MARCHF1: variants seen among roughly 807,000 people sequenced by gnomAD.
The protein encoded by MARCHF1 is E3 ubiquitin-protein ligase MARCHF1.
In MARCHF1, 40 loss-of-function variants were observed where a neutral mutation model predicts 54.2. The ratio of observed to expected loss-of-function variants is 0.74; its 90% CI spans 0.57 to 0.96. The LOEUF is 0.96. Ranked by LOEUF, MARCHF1 falls within the 40% of genes least tolerant of loss-of-function variation. MARCHF1 has a pLI of 0.00. For synonymous variants in MARCHF1, 236 were observed against 236.3 expected (o/e 1.00, Z 0.01); for missense variants, 586 against 656.5 (o/e 0.89, Z 1.17).
At chr4:163,889,298 C>G (rs2111264273) in intron 3 of MARCHF1, among the ~76,000 whole-genome samples, 1 of 152,202 alleles carries the variant, frequency 6.6e-6, no homozygotes, top group East Asian at 1.9e-4. Context: ...TTTTCATCTC[C>G]ACTCTTGAGA....
At chr4:164,110,591 G>A (rs1035878361) in intron 2 of MARCHF1, among the ~76,000 whole-genome samples, 2 of 151,502 alleles carry the variant, frequency 1.3e-5, no homozygotes, top group Admixed American at 1.3e-4. Context: ...TGACTATTAT[G>A]CCACTAAATT....
At chr4:164,363,766 C>CGTGTGTGTGTGTGTGTGT (rs113007142) in intron 1 of MARCHF1, among the ~76,000 whole-genome samples, 2,424 of 150,174 alleles carry the variant, frequency 0.016, 72 homozygotes, top group African/African-American at 0.056. Flanking sequence ...ATTAATAAGC[C>CGTGTGTGTGTGTGTGTGT]GTGTGTGTGT....
intron 7 of MARCHF1, among the ~76,000 whole-genome samples, chr4:163,611,578 A>T (rs528873935): frequency 4.5e-4 from 69 of 152,134 alleles, no homozygotes; most frequent in Admixed American, 1.4e-3. Flanking sequence ...TAGCTTGGAT[A>T]TTCCTATAAT....
At chr4:163,622,289 G>C (rs913893202) in intron 5 of MARCHF1, among the ~76,000 whole-genome samples, 3 of 152,042 alleles carry the variant, frequency 2.0e-5, no homozygotes, top group African/African-American at 7.2e-5. Context: ...CACCAGCCAG[G>C]AGCACTGTAG....
intron 3 of MARCHF1, among the ~76,000 whole-genome samples, chr4:163,888,169 T>G (rs928137886): frequency 1.3e-5 from 2 of 152,154 alleles, no homozygotes; most frequent in African/African-American, 4.8e-5. Context: ...AGATTTATCC[T>G]AGAACTTAAA....
chr4:163,640,146 A>G (rs1449324771), intron 5 of MARCHF1, among the ~76,000 whole-genome samples: 1 of 152,168 alleles, frequency 6.6e-6, no homozygotes, highest in Non-Finnish European at 1.5e-5. Flanking sequence ...GCAGCTCTAC[A>G]GGAGAACAAA....
intron 5 of MARCHF1, among the ~76,000 whole-genome samples, chr4:163,664,391 C>A (rs1207450016): frequency 3.3e-5 from 5 of 152,048 alleles, no homozygotes; most frequent in African/African-American, 1.2e-4. Context: ...AAAAAAAATT[C>A]TAAGGCAGAG....
intron 5 of MARCHF1, among the ~76,000 whole-genome samples, chr4:163,676,939 G>A (rs1417644340): frequency 6.6e-6 from 1 of 151,904 alleles, no homozygotes; most frequent in Non-Finnish European, 1.5e-5. Flanking sequence ...AAAAGCCAGG[G>A]TAGTGATTTT....
intron 3 of MARCHF1, among the ~76,000 whole-genome samples, chr4:163,905,747 T>C (rs1357649083): frequency 1.3e-5 from 2 of 152,070 alleles, no homozygotes. Context: ...ATTGTCAGAC[T>C]CTTAAGATAA....
chr4:164,364,253 T>C (rs1386363388), intron 1 of MARCHF1, among the ~76,000 whole-genome samples: 1 of 152,080 alleles, frequency 6.6e-6, no homozygotes, highest in Non-Finnish European at 1.5e-5. Context: ...ACAGACAGAT[T>C]ATGTGCAAGT....
chr4:163,941,475 G>T (rs1382059406), intron 3 of MARCHF1, among the ~76,000 whole-genome samples: 1 of 152,124 alleles, frequency 6.6e-6, no homozygotes, highest in Non-Finnish European at 1.5e-5. Flanking sequence ...AGTTAGGTAG[G>T]TTAAATAGAA....
chr4:163,970,236 A>G lies in MARCHF1; in HGVS notation c.-39+18265T>C, dbSNP rs17044339. On this transcript the variant is annotated intron_variant, in intron 3 of 9. Transcript: ENST00000514618. ...TTTGAAAAGTTGTAATATATTGTAA[A>G]CCTCTATTTTTACTGCAATCTGACT... 9.3e-3 allele frequency among the ~76,000 whole-genome samples: 1,420 copies of G among 152,202 alleles called. 22 individuals carry two copies. The highest frequency in any genetic ancestry group is 0.031 in the African/African-American group (1,306 of 41,512).
chr4:163,688,825 T>C (rs13113603), intron 5 of MARCHF1, among the ~76,000 whole-genome samples: 70,882 of 152,018 alleles, frequency 0.47, 16,998 homozygotes, highest in Non-Finnish European at 0.51. Context: ...TTTGAATGTA[T>C]GCTCTTATTT....
intron 1 of MARCHF1, chr4:164,196,905 G>A (rs1053507720): frequency 8.4e-5 from 120 of 1,423,526 alleles, no homozygotes; most frequent in Admixed American, 1.4e-4. Flanking sequence ...GGCAGGATTG[G>A]AGGGGGGAGG....
intron 5 of MARCHF1, among the ~76,000 whole-genome samples, chr4:163,658,360 A>T (rs562384744): frequency 6.6e-6 from 1 of 152,194 alleles, no homozygotes; most frequent in Admixed American, 6.6e-5. Flanking sequence ...ATACTATCTC[A>T]TGCCAGTCAG....
chr4:163,661,495 TC>T (rs1399386742), intron 5 of MARCHF1, among the ~76,000 whole-genome samples: 1 of 152,004 alleles, frequency 6.6e-6, no homozygotes, highest in African/African-American at 2.4e-5. Context: ...AAGCCCTTTT[TC>T]CTGAATCCAG....
At chr4:163,635,861 A>C (rs796982364) in intron 5 of MARCHF1, among the ~76,000 whole-genome samples, 4,753 of 152,092 alleles carry the variant, frequency 0.031, 149 homozygotes, top group East Asian at 0.072. Context: ...TACTGGCAAA[A>C]CGAATCCAGC....
At chr4:164,309,438 GA>G (rs1734788996) in intron 1 of MARCHF1, among the ~76,000 whole-genome samples, 1 of 152,200 alleles carries the variant, frequency 6.6e-6, no homozygotes, top group African/African-American at 2.4e-5. Flanking sequence ...CAAGACCACA[GA>G]TGGAATATTG....
At position 164,272,728 on chromosome 4, in the gene MARCHF1, T is replaced by C. The variant is rs893215762; in HGVS notation, c.-323+111142A>G. 2.6e-4 allele frequency among the ~76,000 whole-genome samples: 39 copies of C among 152,098 alleles called. 1 individual carries two copies. The highest frequency in any genetic ancestry group is 9.4e-4 in the African/African-American group (39 of 41,572). On this transcript the variant is annotated intron_variant, in intron 1 of 9. Transcript: ENST00000514618. Reference sequence around the variant, plus strand: ...GTCAGGTAGTGAGTATTAGCATTTATTTTACCATCGCTCTTTATTCTTATA... The same window carrying C: ...GTCAGGTAGTGAGTATTAGCATTTACTTTACCATCGCTCTTTATTCTTATA...
Sources: gnomAD v4.1 joint callset for allele counts (sites outside exome capture counted in the v4.1 genomes callset) on GRCh38, gnomAD v4.1.1 for gene constraint, MANE v1.5 for transcripts, NCBI Gene and HGNC (gene_info 2026-07-23, HGNC 2026-07-21) for gene names.